Variants in DSE observed in about 807,000 individuals in gnomAD.
DSE encodes the protein dermatan sulfate epimerase.
In DSE, 36 loss-of-function variants were observed where a neutral mutation model predicts 84.4. The observed-to-expected ratio is 0.43, with a 90% confidence interval of 0.33 to 0.56. The LOEUF (loss-of-function observed/expected upper bound fraction) is 0.56. Among genes scored for constraint, DSE ranks in the 20% least tolerant of loss-of-function variants. DSE has a pLI of 0.06. For missense variants in DSE, 862 were observed against 1,169.6 expected (o/e 0.74, Z 3.84); for synonymous variants, 410 against 430.1 (o/e 0.95, Z 0.58).
At chr6:116,430,299 A>T (rs968635744) in intron 3 of DSE, among the ~76,000 whole-genome samples, 1 of 152,234 alleles carries the variant, frequency 6.6e-6, no homozygotes, top group East Asian at 1.9e-4. Context: ...TTTAGCGTTT[A>T]TAATATGTGC....
intron 2 of DSE, among the ~76,000 whole-genome samples, chr6:116,286,084 A>G (rs536223105): frequency 1.5e-4 from 23 of 152,238 alleles, no homozygotes; most frequent in Admixed American, 5.9e-4. Flanking sequence ...TGATGGGGAT[A>G]GCATTGAATC....
intron 2 of DSE, among the ~76,000 whole-genome samples, chr6:116,323,275 T>A (rs1328733454): frequency 1.3e-5 from 2 of 152,204 alleles, no homozygotes; most frequent in Admixed American, 1.3e-4. Flanking sequence ...TTGTAAGAAA[T>A]CCTATACTGA....
At chr6:116,395,459 A>G (rs956133739) in intron 1 of DSE, among the ~76,000 whole-genome samples, 8 of 152,202 alleles carry the variant, frequency 5.3e-5, no homozygotes, top group South Asian at 2.1e-4. Flanking sequence ...GGGGCTGACC[A>G]TTCCCATAAA....
chr6:116,406,837 A>G (rs1241049883), intron 2 of DSE, among the ~76,000 whole-genome samples: 1 of 152,156 alleles, frequency 6.6e-6, no homozygotes, highest in African/African-American at 2.4e-5. Context: ...AGGAGATACC[A>G]TAGTCGGGGG....
intron 1 of DSE, among the ~76,000 whole-genome samples, chr6:116,379,026 A>G (rs1048635911): frequency 6.6e-6 from 1 of 152,198 alleles, no homozygotes; most frequent in Admixed American, 6.5e-5. Flanking sequence ...GTTTTTATAA[A>G]TAGAATGCTA....
intron 3 of DSE, 125 bp from the exon 4 acceptor site, chr6:116,430,829 A>C: frequency 7.7e-7 from 1 of 1,301,808 alleles, no homozygotes. Context: ...GACAAGTTGG[A>C]GTTTTACAAA....
At chr6:116,370,733 T>G, upstream of DSE, 1 of 837,658 alleles carries the variant, frequency 1.2e-6, no homozygotes, top group Non-Finnish European at 1.4e-6. Context: ...GAGCGGCGAG[T>G]CCCGGGAGAG....
At chr6:116,269,204 G>T (rs1772768525) in intron 2 of DSE, among the ~76,000 whole-genome samples, 2 of 151,962 alleles carry the variant, frequency 1.3e-5, no homozygotes, top group African/African-American at 4.8e-5. Flanking sequence ...GTTTAATTTA[G>T]GCAAGTCACT....
chr6:116,386,605 A>G (rs967431924), intron 1 of DSE, among the ~76,000 whole-genome samples: 1 of 152,202 alleles, frequency 6.6e-6, no homozygotes, highest in Admixed American at 6.5e-5. Flanking sequence ...CTGGGCTTTT[A>G]TTGTAGTTAG....
intron 5 of DSE, 26 bp from the exon 6 acceptor site, chr6:116,435,561 A>G (rs1180597495): frequency 6.5e-7 from 1 of 1,541,698 alleles, no homozygotes; most frequent in Non-Finnish European, 8.7e-7. Flanking sequence ...TCAGAAAACC[A>G]TTTAATTTTT....
intron 1 of DSE, among the ~76,000 whole-genome samples, chr6:116,386,314 G>T (rs367800909): frequency 2.0e-5 from 3 of 152,180 alleles, no homozygotes; most frequent in South Asian, 2.1e-4. Flanking sequence ...AAGATAAAGG[G>T]CATATGGATG....
chr6:116,331,951 A>C (rs544443100), intron 2 of DSE, among the ~76,000 whole-genome samples: 1 of 152,128 alleles, frequency 6.6e-6, no homozygotes, highest in African/African-American at 2.4e-5. Context: ...GTGAGACTCC[A>C]TCTAAAAGAA....
At position 116,437,463 on chromosome 6, in the gene DSE, G is replaced by A. The variant is rs1784259623; in HGVS notation, c.*118G>A. On this transcript the variant is annotated 3_prime_UTR_variant, in exon 6 of 6. Coordinates refer to ENST00000644252, the MANE Select transcript of DSE (RefSeq NM_013352.4). Reference sequence around the variant, plus strand: ...CCTCAGATTCATTTTAACAAATTAAGGGAAGATATTTTGACACAAGAAAGC... The same window carrying A: ...CCTCAGATTCATTTTAACAAATTAAAGGAAGATATTTTGACACAAGAAAGC... The A allele has an allele frequency of 5.1e-6, 5 of 970,922 alleles. No homozygotes were observed. The South Asian group carries it at 7.6e-5, about 15-fold the overall frequency. The allele number at this position is 970,922 out of a possible 1,614,324, so 60.1% of individuals were successfully genotyped here. A position where few individuals can be genotyped will look rare whatever the true frequency, so the allele number is the denominator to read the frequency against.
At chr6:116,324,177 A>T (rs189572580) in intron 2 of DSE, among the ~76,000 whole-genome samples, 1 of 152,340 alleles carries the variant, frequency 6.6e-6, no homozygotes, top group East Asian at 1.9e-4. Flanking sequence ...TATGTCTGCT[A>T]GTAGGCTTTC....
chr6:116,303,472 A>G (rs1775159098), intron 2 of DSE, among the ~76,000 whole-genome samples: 1 of 152,086 alleles, frequency 6.6e-6, no homozygotes. Flanking sequence ...AGTGTAGTTG[A>G]GGAAAAGGCA....
chr6:116,267,295 C>T (rs1170710987), intron 2 of DSE, among the ~76,000 whole-genome samples: 1 of 152,164 alleles, frequency 6.6e-6, no homozygotes, highest in Non-Finnish European at 1.5e-5. Context: ...AAGATGACAA[C>T]TCAGTATGTG....
intron 2 of DSE, chr6:116,412,325 G>A (rs1782426189): frequency 6.6e-6 from 1 of 151,946 alleles, no homozygotes; most frequent in Non-Finnish European, 1.5e-5. Flanking sequence ...CCCATTTAGT[G>A]TCTTCATGCC....
intron 1 of DSE, among the ~76,000 whole-genome samples, chr6:116,377,895 G>C (rs754007638): frequency 1.3e-5 from 2 of 152,124 alleles, no homozygotes; most frequent in Non-Finnish European, 2.9e-5. Context: ...TATATCCAAT[G>C]AATTTCTAGA....
At chr6:116,373,587 T>C (rs1779745063) in intron 1 of DSE, among the ~76,000 whole-genome samples, 1 of 152,214 alleles carries the variant, frequency 6.6e-6, no homozygotes, top group East Asian at 1.9e-4. Context: ...ATTTACGAAA[T>C]TCGTTCAGAA....
Sources: allele counts gnomAD v4.1 joint callset (sites outside exome capture counted in the v4.1 genomes callset), GRCh38; gene constraint gnomAD v4.1.1; transcripts MANE v1.5; gene names NCBI Gene and HGNC (gene_info 2026-07-23, HGNC 2026-07-21).